Variants in PCDH9 observed in about 807,000 individuals in gnomAD.
PCDH9 encodes protocadherin-9.
PCDH9 carries 24 observed loss-of-function variants against 70.6 expected under a neutral mutation model. That is an observed-to-expected ratio of 0.34 (90% CI 0.25 to 0.48). The LOEUF (loss-of-function observed/expected upper bound fraction) is 0.48. Among genes scored for constraint, PCDH9 ranks in the 20% least tolerant of loss-of-function variants. The pLI, the probability that PCDH9 is intolerant of heterozygous loss-of-function variation, is 0.99. For missense variants in PCDH9, 1,281 were observed against 1,503.6 expected (o/e 0.85, Z 2.45); for synonymous variants, 562 against 558.5 (o/e 1.01, Z -0.09).
At chr13:67,131,973 A>G (rs2087121818) in intron 2 of PCDH9, among the ~76,000 whole-genome samples, 1 of 152,130 alleles carries the variant, frequency 6.6e-6, no homozygotes, top group South Asian at 2.1e-4. Flanking sequence ...AGCACATTTG[A>G]CTGTGCGAAC....
chr13:66,971,101 T>C (rs1384739270), intron 2 of PCDH9, among the ~76,000 whole-genome samples: 1 of 151,922 alleles, frequency 6.6e-6, no homozygotes, highest in Non-Finnish European at 1.5e-5. Flanking sequence ...AAATTGTGAG[T>C]TTTTAGACTC....
intron 4 of PCDH9, among the ~76,000 whole-genome samples, chr13:66,313,014 G>C (rs1015848316): frequency 6.6e-6 from 1 of 152,188 alleles, no homozygotes; most frequent in African/African-American, 2.4e-5. Context: ...AGAATGAAGA[G>C]CATTTCCTTG....
At chr13:66,420,466 A>G (rs948587280) in intron 4 of PCDH9, among the ~76,000 whole-genome samples, 1 of 152,164 alleles carries the variant, frequency 6.6e-6, no homozygotes, top group African/African-American at 2.4e-5. Flanking sequence ...ATGAAGCTTG[A>G]TGAAGCTTCC....
chr13:66,728,109 T>C (rs1407281886), intron 3 of PCDH9, among the ~76,000 whole-genome samples: 4 of 152,156 alleles, frequency 2.6e-5, no homozygotes, highest in Non-Finnish European at 1.5e-5. Flanking sequence ...ATAATAAGCC[T>C]TTAGATATTT....
chr13:67,094,980 T>C (rs1594504499), intron 2 of PCDH9, among the ~76,000 whole-genome samples: 1 of 152,286 alleles, frequency 6.6e-6, no homozygotes. Context: ...AAAATCAAGT[T>C]GTCTCCCTCA....
At chr13:67,076,141 G>A (rs985823942) in intron 2 of PCDH9, among the ~76,000 whole-genome samples, 3 of 152,090 alleles carry the variant, frequency 2.0e-5, no homozygotes, top group Non-Finnish European at 2.9e-5. Flanking sequence ...GAGTGGAGGC[G>A]AAAGGCATGT....
intron 2 of PCDH9, among the ~76,000 whole-genome samples, chr13:67,040,062 T>G (rs2085082186): frequency 6.6e-6 from 1 of 152,192 alleles, no homozygotes; most frequent in Admixed American, 6.5e-5. Flanking sequence ...CTAAAGCACT[T>G]ACACAATAGC....
At chr13:66,810,847 A>G (rs946029571) in intron 3 of PCDH9, among the ~76,000 whole-genome samples, 8 of 151,834 alleles carry the variant, frequency 5.3e-5, no homozygotes, top group African/African-American at 1.9e-4. Context: ...ACATATATAT[A>G]TAATATATAT....
intron 3 of PCDH9, among the ~76,000 whole-genome samples, chr13:66,711,672 T>C (rs539500069): frequency 6.6e-6 from 1 of 152,312 alleles, no homozygotes; most frequent in South Asian, 2.1e-4. Flanking sequence ...AAATTAGAGT[T>C]AATGTTACTT....
intron 4 of PCDH9, among the ~76,000 whole-genome samples, chr13:66,597,275 T>C (rs777670379): frequency 6.6e-6 from 1 of 151,652 alleles, no homozygotes; most frequent in Non-Finnish European, 1.5e-5. Context: ...CAATAATTAA[T>C]AAGGTACCAC....
chr13:66,875,386 G>A (rs2081787051), intron 3 of PCDH9, among the ~76,000 whole-genome samples: 3 of 152,096 alleles, frequency 2.0e-5, no homozygotes, highest in African/African-American at 7.2e-5. Context: ...CATATGTTAT[G>A]CTTGTCTTCT....
chr13:66,949,062 G>A (rs1372572240), intron 2 of PCDH9, among the ~76,000 whole-genome samples: 1 of 152,040 alleles, frequency 6.6e-6, no homozygotes, highest in Non-Finnish European at 1.5e-5. Flanking sequence ...AAAACAAGTA[G>A]GCGTACGAGC....
At chr13:67,116,566 A>T (rs2138286714) in intron 2 of PCDH9, among the ~76,000 whole-genome samples, 1 of 152,310 alleles carries the variant, frequency 6.6e-6, no homozygotes, top group South Asian at 2.1e-4. Flanking sequence ...AATAAAAAAA[A>T]ATTTCTTGGG....
chr13:66,393,539 G>A (rs1322741609), intron 4 of PCDH9, among the ~76,000 whole-genome samples: 1 of 152,048 alleles, frequency 6.6e-6, no homozygotes, highest in Non-Finnish European at 1.5e-5. Flanking sequence ...ATGTCCTTAG[G>A]GAATGCCCAC....
At chr13:66,580,631 C>A (rs2076878376) in intron 4 of PCDH9, among the ~76,000 whole-genome samples, 1 of 151,594 alleles carries the variant, frequency 6.6e-6, no homozygotes, top group Admixed American at 6.6e-5. Context: ...AAAAAGATGT[C>A]CTTACCATTG....
intron 3 of PCDH9, among the ~76,000 whole-genome samples, chr13:66,767,971 T>G (rs1206090890): frequency 6.6e-6 from 1 of 152,030 alleles, no homozygotes; most frequent in Non-Finnish European, 1.5e-5. Context: ...TAACACCTTG[T>G]GAAAATGTAT....
At chr13:66,342,451 A>G (rs1246473325) in intron 4 of PCDH9, among the ~76,000 whole-genome samples, 1 of 152,206 alleles carries the variant, frequency 6.6e-6, no homozygotes, top group Non-Finnish European at 1.5e-5. Context: ...CATTACATGT[A>G]TTGAGGAATT....
At chr13:67,131,634 G>A (rs1361439525) in intron 2 of PCDH9, among the ~76,000 whole-genome samples, 1 of 151,988 alleles carries the variant, frequency 6.6e-6, no homozygotes. Flanking sequence ...TTATGGGGGA[G>A]TGTAGCAAAA....
intron 2 of PCDH9, among the ~76,000 whole-genome samples, chr13:67,083,120 G>A (rs1049031027): frequency 2.4e-4 from 37 of 152,014 alleles, no homozygotes; most frequent in Admixed American, 8.5e-4. Flanking sequence ...TAAAATAACC[G>A]TATAAAAAGT....
Sources: allele counts gnomAD v4.1 joint callset (sites outside exome capture counted in the v4.1 genomes callset), GRCh38; gene constraint gnomAD v4.1.1; transcripts MANE v1.5; gene names NCBI Gene and HGNC (gene_info 2026-07-23, HGNC 2026-07-21).